The following PDE7B variants were observed in gnomAD, a reference collection of about 807,000 sequenced individuals.
PDE7B encodes the protein 3',5'-cyclic-AMP phosphodiesterase 7B.
In PDE7B, 29 loss-of-function variants were observed where a neutral mutation model predicts 56.2. The observed-to-expected ratio is 0.52, with a 90% CI of 0.38 to 0.70. The LOEUF is 0.70. Among genes scored for constraint, PDE7B ranks in the 30% least tolerant of loss-of-function variants. PDE7B has a pLI of 0.00. For missense variants in PDE7B, 490 were observed against 565.0 expected, an observed-to-expected ratio of 0.87 and a Z score of 1.35; for synonymous variants, 197 against 196.9, an observed-to-expected ratio of 1.00 and a Z score of 0.00.
chr6:135,936,338 T>C (rs2128197999), intron 1 of PDE7B, among the ~76,000 whole-genome samples: 1 of 152,314 alleles, frequency 6.6e-6, no homozygotes, highest in East Asian at 1.9e-4. Context: ...GCTGATATTA[T>C]CTATTAACCT....
At chr6:136,111,804 A>G (rs1777753289) in intron 3 of PDE7B, among the ~76,000 whole-genome samples, 2 of 152,182 alleles carry the variant, frequency 1.3e-5, no homozygotes, top group Admixed American at 6.5e-5. Context: ...GAACTAGTTT[A>G]AAGTGATTCT....
chr6:136,017,479 T>A (rs573309193), intron 2 of PDE7B, among the ~76,000 whole-genome samples: 2 of 149,286 alleles, frequency 1.3e-5, no homozygotes, highest in African/African-American at 4.9e-5. Flanking sequence ...CTCCTAATGC[T>A]ATCCCTCCCC....
At chr6:136,158,050 G>C (rs1778639094) in intron 8 of PDE7B, among the ~76,000 whole-genome samples, 1 of 152,156 alleles carries the variant, frequency 6.6e-6, no homozygotes, top group Non-Finnish European at 1.5e-5. Flanking sequence ...ATGAGGAACT[G>C]GCAGAAATCT....
At chr6:136,187,867 T>C (rs1779165783) in intron 12 of PDE7B, among the ~76,000 whole-genome samples, 1 of 152,230 alleles carries the variant, frequency 6.6e-6, no homozygotes, top group Non-Finnish European at 1.5e-5. Flanking sequence ...AAAGCAAGTC[T>C]TTCTTTTCCT....
chr6:135,974,113 A>AC (rs1379836857), intron 2 of PDE7B, among the ~76,000 whole-genome samples: 2 of 152,200 alleles, frequency 1.3e-5, no homozygotes, highest in Non-Finnish European at 2.9e-5. Context: ...AGCAAGGCTA[A>AC]CCAACTGTTA....
intron 1 of PDE7B, among the ~76,000 whole-genome samples, chr6:135,930,599 A>T (rs996168040): frequency 6.6e-6 from 1 of 152,176 alleles, no homozygotes; most frequent in Non-Finnish European, 1.5e-5. Context: ...AAGTAGAAGT[A>T]AAAGGACTCG....
intron 2 of PDE7B, among the ~76,000 whole-genome samples, chr6:136,021,462 T>G (rs528537750): frequency 6.6e-6 from 1 of 152,178 alleles, no homozygotes; most frequent in Admixed American, 6.5e-5. Flanking sequence ...CTGGCCAACA[T>G]GATGAGACCC....
intron 9 of PDE7B, among the ~76,000 whole-genome samples, chr6:136,176,356 C>T (rs987923122): frequency 1.3e-5 from 2 of 151,920 alleles, no homozygotes; most frequent in African/African-American, 2.4e-5. Context: ...ACCATAATCC[C>T]ATTATAGATC....
chr6:136,063,460 G>C (rs1025432332), intron 2 of PDE7B, among the ~76,000 whole-genome samples: 1 of 152,134 alleles, frequency 6.6e-6, no homozygotes, highest in African/African-American at 2.4e-5. Flanking sequence ...CCACCACCTT[G>C]GTAAGTCAGG....
intron 3 of PDE7B, among the ~76,000 whole-genome samples, chr6:136,134,229 TGTA>T (rs1405981294): frequency 2.6e-5 from 4 of 152,214 alleles, no homozygotes; most frequent in Non-Finnish European, 4.4e-5. Context: ...GAGAAGCAGT[TGTA>T]GTACGTTATG....
intron 2 of PDE7B, among the ~76,000 whole-genome samples, chr6:136,006,453 T>C (rs1775785982): frequency 6.6e-6 from 1 of 152,184 alleles, no homozygotes; most frequent in South Asian, 2.1e-4. Context: ...GTGAAGAATG[T>C]CATTTGTAGT....
intron 2 of PDE7B, among the ~76,000 whole-genome samples, chr6:136,004,648 G>A (rs1245116074): frequency 1.3e-5 from 2 of 151,752 alleles, no homozygotes; most frequent in Admixed American, 6.6e-5. Flanking sequence ...ACTTACAAGG[G>A]ATGTGAAGGA....
At chr6:136,173,216 C>T (rs1778922063) in intron 8 of PDE7B, among the ~76,000 whole-genome samples, 1 of 152,164 alleles carries the variant, frequency 6.6e-6, no homozygotes, top group Non-Finnish European at 1.5e-5. Flanking sequence ...GCCAAAAGAA[C>T]AAAGCTGGAG....
chr6:135,949,623 G>A (rs1252417018), intron 2 of PDE7B, among the ~76,000 whole-genome samples: 1 of 152,088 alleles, frequency 6.6e-6, no homozygotes, highest in Non-Finnish European at 1.5e-5. Flanking sequence ...TAAATTAAGA[G>A]AAGCTCTATC....
At chr6:136,071,364 T>A (rs1333742062) in intron 2 of PDE7B, 1 of 152,178 alleles carries the variant, frequency 6.6e-6, no homozygotes, top group East Asian at 1.9e-4. Flanking sequence ...TCAGCTGCCA[T>A]CGTCTCTGTA....
At chr6:136,112,154 C>A (rs1280538888) in intron 3 of PDE7B, among the ~76,000 whole-genome samples, 1 of 152,080 alleles carries the variant, frequency 6.6e-6, no homozygotes, top group Non-Finnish European at 1.5e-5. Flanking sequence ...AATAGTGAGG[C>A]CCATGCATTT....
chr6:136,110,712 A>ATTTT (rs10708902), intron 3 of PDE7B, among the ~76,000 whole-genome samples: 26 of 126,818 alleles, frequency 2.1e-4, no homozygotes, highest in East Asian at 4.6e-4. Context: ...ATTCTGCAAC[A>ATTTT]TTTTTTTTTT....
chr6:135,906,810 G>GTTTTTTTTTTTTTTTTTTTTTTGTTT (rs1776114317), intron 1 of PDE7B, among the ~76,000 whole-genome samples: 2 of 59,506 alleles, frequency 3.4e-5, no homozygotes, highest in African/African-American at 7.0e-5. Context: ...AATGAGGTTT[G>GTTTTTTTTTTTTTTTTTTTTTTGTTT]TTTTTTTTTT....
intron 2 of PDE7B, among the ~76,000 whole-genome samples, chr6:135,973,457 G>T (rs569510428): frequency 6.6e-6 from 1 of 151,098 alleles, no homozygotes; most frequent in East Asian, 1.9e-4. Flanking sequence ...ATCTCTTCGA[G>T]GTCCTGACTT....
Sources: gnomAD v4.1 joint callset for allele counts (sites outside exome capture counted in the v4.1 genomes callset) on GRCh38, gnomAD v4.1.1 for gene constraint, MANE v1.5 for transcripts, NCBI Gene and HGNC (gene_info 2026-07-23, HGNC 2026-07-21) for gene names.